TNRC6C: variants seen among roughly 807,000 people sequenced by gnomAD.
TNRC6C encodes the protein trinucleotide repeat-containing gene 6C protein.
In TNRC6C, 20 loss-of-function variants were observed where a neutral mutation model predicts 153.7. The ratio of observed to expected loss-of-function variants is 0.13; its 90% confidence interval spans 0.09 to 0.19. TNRC6C has a LOEUF of 0.19. Ranked by LOEUF, TNRC6C falls within the 10% of genes least tolerant of loss-of-function variation. The pLI is 1.00. For synonymous variants in TNRC6C, 811 were observed against 841.4 expected (o/e 0.96, Z 0.63); for missense variants, 1,987 against 2,172.0 (o/e 0.91, Z 1.69).
intron 1 of TNRC6C, among the ~76,000 whole-genome samples, chr17:77,988,367 A>C (rs937728825): frequency 2.6e-5 from 4 of 151,814 alleles, no homozygotes; most frequent in African/African-American, 9.7e-5. Flanking sequence ...GTGAGACGCT[A>C]TCTCTTTATA....
chr17:78,034,799 T>C (rs1468901530), intron 2 of TNRC6C, among the ~76,000 whole-genome samples: 1 of 152,090 alleles, frequency 6.6e-6, no homozygotes, highest in African/African-American at 2.4e-5. Context: ...CAAAACCCCC[T>C]TTCTGCAAAA....
At chr17:78,054,396 A>C (rs933066546) in intron 3 of TNRC6C, among the ~76,000 whole-genome samples, 1 of 151,890 alleles carries the variant, frequency 6.6e-6, no homozygotes, top group African/African-American at 2.4e-5. Context: ...AGACTACTGC[A>C]GAGTACTGTG....
intron 1 of TNRC6C, among the ~76,000 whole-genome samples, chr17:77,965,265 A>C (rs971052851): frequency 2.6e-5 from 4 of 152,220 alleles, no homozygotes; most frequent in African/African-American, 7.2e-5. Flanking sequence ...GATTATTTTA[A>C]TAGCTGCTTA....
At chr17:77,964,421 A>G (rs1444979421) in intron 1 of TNRC6C, among the ~76,000 whole-genome samples, 4 of 152,232 alleles carry the variant, frequency 2.6e-5, no homozygotes, top group African/African-American at 9.6e-5. Flanking sequence ...GACGTGGCTA[A>G]TACCAGATGC....
At chr17:78,054,632 C>T (rs2072610351) in intron 3 of TNRC6C, among the ~76,000 whole-genome samples, 1 of 152,000 alleles carries the variant, frequency 6.6e-6, no homozygotes, top group African/African-American at 2.4e-5. Context: ...GTATACACCA[C>T]TGCAGACTAC....
chr17:77,964,038 G>A (rs367889572), intron 1 of TNRC6C, among the ~76,000 whole-genome samples: 96 of 152,256 alleles, frequency 6.3e-4, no homozygotes, highest in African/African-American at 2.3e-3. Context: ...GCCACACACA[G>A]TGCACATGGC....
At chr17:78,040,492 G>C (rs977299576) in intron 2 of TNRC6C, among the ~76,000 whole-genome samples, 1 of 152,122 alleles carries the variant, frequency 6.6e-6, no homozygotes, top group Non-Finnish European at 1.5e-5. Context: ...TTAAGAAGCT[G>C]GACACTTGCC....
At chr17:78,087,229 C>A in intron 13 of TNRC6C, 136 bp downstream of exon 15, 1 of 1,425,120 alleles carries the variant, frequency 7.0e-7, no homozygotes, top group Non-Finnish European at 9.2e-7. Flanking sequence ...GAAATGCAGC[C>A]CCAGACAAAA....
chr17:77,974,539 C>G (rs2144077968), intron 1 of TNRC6C, among the ~76,000 whole-genome samples: 1 of 152,142 alleles, frequency 6.6e-6, no homozygotes, highest in South Asian at 2.1e-4. Context: ...GTTGCCCAGG[C>G]TGCCCTTGAA....
chr17:78,108,689 C>T, exon 20 of TNRC6C: 1 of 154,686 alleles, frequency 6.5e-6, no homozygotes, highest in Middle Eastern at 5.3e-4. Context: ...ACGCAAAGAC[C>T]TCGTGGGCCT....
intron 1 of TNRC6C, among the ~76,000 whole-genome samples, chr17:77,992,573 C>A (rs2071268451): frequency 6.6e-6 from 1 of 152,114 alleles, no homozygotes; most frequent in Non-Finnish European, 1.5e-5. Flanking sequence ...CCTTGGCCCC[C>A]CAGATAATTG....
chr17:78,093,572 T>C (rs775436874), intron 15 of TNRC6C, 48 bp from the exon 18 acceptor site: 3 of 1,597,812 alleles, frequency 1.9e-6, no homozygotes, highest in Middle Eastern at 1.7e-4. Flanking sequence ...CGTGAATCAA[T>C]GTGCCGGTGT....
At position 78,075,764 on chromosome 17, in the gene TNRC6C, G is replaced by T. The variant is rs939623533; in HGVS notation, c.3060+486G>T. ...AACGCCCTGAATGTTTAGCCAGTCCGGTCACAGCTCAGCCCCCAGTGTTGT... is the reference window on the plus strand; with the variant it reads ...AACGCCCTGAATGTTTAGCCAGTCCTGTCACAGCTCAGCCCCCAGTGTTGT... On this transcript the variant is annotated intron_variant, in intron 8 of 19. Coordinates refer to ENST00000301624, the Ensembl canonical transcript of TNRC6C. This position sits in a 1 kb window ranked among gnomAD's most constrained non-coding sequence, Gnocchi z 4.2. Among the ~76,000 whole-genome samples, 1 of 152,268 alleles carries T rather than the reference G, an allele frequency of 6.6e-6. No homozygotes were observed. The highest frequency in any genetic ancestry group is 3.4e-3 in the Middle Eastern group (1 of 294).
intron 1 of TNRC6C, among the ~76,000 whole-genome samples, chr17:78,028,743 G>C (rs1388932861): frequency 6.6e-6 from 1 of 152,174 alleles, no homozygotes; most frequent in Admixed American, 6.5e-5. Context: ...CTACATAAAA[G>C]GTATGTACAG....
At position 78,047,174 on chromosome 17, in the gene TNRC6C, A is replaced by G. The variant is rs370846027; in HGVS notation, c.-218-1671A>G. ...TGGTAATATTTGCTGGCAACAAGCC[A>G]TAATCTCTGTGTGTTAACTTGGTCT... On this transcript the variant is annotated intron_variant, in intron 2 of 19. Coordinates refer to ENST00000301624, the Ensembl canonical transcript of TNRC6C. 1.6e-4 allele frequency among the ~76,000 whole-genome samples: 24 copies of G among 152,340 alleles called. No homozygotes were observed. In the East Asian group the frequency reaches 3.5e-3, roughly 22 times the overall value.
chr17:78,021,993 A>G (rs2071842037), intron 1 of TNRC6C, among the ~76,000 whole-genome samples: 1 of 152,174 alleles, frequency 6.6e-6, no homozygotes, highest in Admixed American at 6.5e-5. Context: ...AGTAGTTGGA[A>G]CTCTATTAGT....
chr17:78,081,153 G>A (rs750596997), intron 10 of TNRC6C, among the ~76,000 whole-genome samples: 1 of 152,080 alleles, frequency 6.6e-6, no homozygotes, highest in African/African-American at 2.4e-5. Context: ...GGGCAAACAG[G>A]CTTCCTCAGG....
chr17:78,015,805 G>A (rs775942978), intron 1 of TNRC6C, among the ~76,000 whole-genome samples: 16 of 152,036 alleles, frequency 1.1e-4, no homozygotes, highest in Non-Finnish European at 2.2e-4. Flanking sequence ...CCAGCTACTC[G>A]GGAGGCCAAG....
At chr17:78,091,042 A>C (rs2073384545) in intron 13 of TNRC6C, among the ~76,000 whole-genome samples, 2 of 152,220 alleles carry the variant, frequency 1.3e-5, no homozygotes, top group African/African-American at 4.8e-5. Flanking sequence ...TTTATTCAGC[A>C]CTGAAACAAG....
Sources: gnomAD v4.1 joint callset for allele counts (sites outside exome capture counted in the v4.1 genomes callset) on GRCh38, gnomAD v4.1.1 for gene constraint, Gnocchi (gnomAD v3.1) non-coding constraint, MANE v1.5 for transcripts, NCBI Gene and HGNC (gene_info 2026-07-23, HGNC 2026-07-21) for gene names.